Variants in DPH6 observed in about 807,000 individuals in gnomAD.
The protein encoded by DPH6 is diphthamine biosynthesis 6.
In DPH6, 33 loss-of-function variants were observed where a neutral mutation model predicts 38.2. The ratio of observed to expected loss-of-function variants is 0.86; its 90% CI spans 0.65 to 1.15. The LOEUF (loss-of-function observed/expected upper bound fraction) is 1.15. Ranked by LOEUF, DPH6 falls within the 50% of genes most tolerant of loss-of-function variation. DPH6 has a pLI of 0.00. For missense variants in DPH6, 325 were observed against 320.0 expected, an observed-to-expected ratio of 1.02 and a Z score of -0.12; for synonymous variants, 108 against 103.0, an observed-to-expected ratio of 1.05 and a Z score of -0.30.
intron 3 of DPH6, among the ~76,000 whole-genome samples, chr15:35,242,318 G>A (rs537487721): frequency 1.4e-5 from 2 of 142,952 alleles, no homozygotes; most frequent in East Asian, 2.2e-4. Flanking sequence ...GGCATGGTTA[G>A]TGCGGTCAGA....
intron 6 of DPH6, among the ~76,000 whole-genome samples, chr15:35,389,504 G>C (rs2053021513): frequency 6.6e-6 from 1 of 152,178 alleles, no homozygotes; most frequent in South Asian, 2.1e-4. Flanking sequence ...CTAAGGACTT[G>C]CTTTATGAAT....
intron 6 of DPH6, among the ~76,000 whole-genome samples, chr15:35,397,868 T>TATACACACACGCACACACAC (rs752473433): frequency 1.1e-5 from 1 of 87,256 alleles, no homozygotes; most frequent in African/African-American, 4.6e-5. Flanking sequence ...TTTATATATA[T>TATACACACACGCACACACAC]ACACACACAC....
chr15:35,518,751 T>C (rs2054881692), intron 3 of DPH6, among the ~76,000 whole-genome samples: 2 of 152,024 alleles, frequency 1.3e-5, no homozygotes, highest in Admixed American at 1.3e-4. Flanking sequence ...AAATGTGTTC[T>C]AGATTCTATA....
the DPH6 span, among the ~76,000 whole-genome samples, chr15:35,163,913 C>A: frequency 6.6e-6 from 1 of 151,776 alleles, no homozygotes; most frequent in Non-Finnish European, 1.5e-5. Flanking sequence ...AAAGGAAGTT[C>A]TACTCATATA....
rs544395741 is a variant in DPH6, at chr15:35,231,732, A to AT, written n.201-11151dup. The stretch of plus-strand genomic sequence containing the variant: ...GCTGTACAGGAAGCATGGTGCCAGC[A>AT]TCGGCTCGGCTTCTGGTGAGGCCTC... On this transcript the variant is annotated intron_variant and non_coding_transcript_variant, in intron 3 of 3. Coordinates refer to the DPH6 transcript ENST00000560386. Among the ~76,000 whole-genome samples the AT allele has an allele frequency of 1.6e-3, 244 of 152,340 alleles. 1 individual carries two copies. The highest frequency in any genetic ancestry group is 4.1e-3 in the East Asian group (21 of 5,184).
At chr15:35,541,201 C>G (rs561860315) in intron 2 of DPH6, among the ~76,000 whole-genome samples, 2 of 152,248 alleles carry the variant, frequency 1.3e-5, no homozygotes, top group African/African-American at 4.8e-5. Context: ...TAAAATATTT[C>G]TAAACTCTGT....
chr15:35,400,573 GA>G, intron 6 of DPH6: 5 of 357,816 alleles, frequency 1.4e-5, no homozygotes, highest in Non-Finnish European at 2.6e-5. Context: ...GTCAAACACT[GA>G]AGAACCATTT....
intron 3 of DPH6, among the ~76,000 whole-genome samples, chr15:35,275,555 G>A (rs2051852209): frequency 6.6e-6 from 1 of 152,056 alleles, no homozygotes; most frequent in South Asian, 2.1e-4. Context: ...CTGTCAGGGG[G>A]TGGGGAGCAA....
At chr15:35,429,229 C>T (rs2053603950) in intron 5 of DPH6, among the ~76,000 whole-genome samples, 1 of 152,166 alleles carries the variant, frequency 6.6e-6, no homozygotes. Flanking sequence ...ACATATTAAG[C>T]ATACTGTCAT....
At chr15:35,176,886 CAT>C in the DPH6 span, among the ~76,000 whole-genome samples, 5 of 152,152 alleles carry the variant, frequency 3.3e-5, no homozygotes, top group African/African-American at 9.7e-5. Flanking sequence ...TTTCAGGTGA[CAT>C]GTGAAATATC....
intron 3 of DPH6, among the ~76,000 whole-genome samples, chr15:35,245,999 C>T (rs1042379466): frequency 2.0e-5 from 3 of 152,172 alleles, no homozygotes; most frequent in African/African-American, 7.2e-5. Flanking sequence ...TAACTGATGA[C>T]ATTACCTTGT....
chr15:35,533,030 C>T (rs966834095), intron 3 of DPH6, among the ~76,000 whole-genome samples: 6 of 151,624 alleles, frequency 4.0e-5, no homozygotes, highest in Admixed American at 3.9e-4. Flanking sequence ...TTGCTTGAAC[C>T]TAGGAGGCGG....
chr15:35,236,130 T>G (rs1566846096), intron 3 of DPH6, among the ~76,000 whole-genome samples: 1 of 152,234 alleles, frequency 6.6e-6, no homozygotes, highest in Non-Finnish European at 1.5e-5. Flanking sequence ...ATATCTGCCA[T>G]ATTAAGTCAG....
chr15:35,540,755 A>G (rs1595456012), intron 2 of DPH6, among the ~76,000 whole-genome samples: 1 of 152,224 alleles, frequency 6.6e-6, no homozygotes, highest in African/African-American at 2.4e-5. Flanking sequence ...CTGGTGAACC[A>G]TGAACACAAG....
rs749402280 is a variant in DPH6 at position 35,546,070 on chromosome 15, G to A, written c.23+49C>T. The stretch of plus-strand genomic sequence containing the variant: ...TTCGGCGCTAGCGGCGGCTGGAAGG[G>A]ACGAGAGCCTGGCCTAGGAGGAAGG... On this transcript the variant is annotated intron_variant, in intron 1 of 8. Transcript: ENST00000256538. 2.6e-5 allele frequency: 35 copies of A among 1,340,180 alleles called. No individual in the cohort carries two copies. In the East Asian group the frequency reaches 8.4e-4, roughly 32 times the overall value. The allele number at this position is 1,340,180 out of a possible 1,614,324, so 83.0% of individuals were successfully genotyped here. A position where few individuals can be genotyped will look rare whatever the true frequency, so the allele number is the denominator to read the frequency against.
At chr15:35,513,687 T>C (rs2054806796) in intron 3 of DPH6, among the ~76,000 whole-genome samples, 1 of 151,938 alleles carries the variant, frequency 6.6e-6, no homozygotes. Context: ...TATCAAATCA[T>C]AACAAAACAA....
At chr15:35,454,911 A>G (rs1439212579) in intron 3 of DPH6, 91 bp from the exon 4 acceptor site, 1 of 969,376 alleles carries the variant, frequency 1.0e-6, no homozygotes, top group African/African-American at 1.7e-5. Context: ...ACTGTGTCTC[A>G]TCTAGAAAAC....
At chr15:35,240,522 G>A (rs1181166309) in intron 3 of DPH6, among the ~76,000 whole-genome samples, 5 of 142,438 alleles carry the variant, frequency 3.5e-5, no homozygotes, top group African/African-American at 7.6e-5. Flanking sequence ...TCTTTTTATC[G>A]CCTCCCCTCC....
the DPH6 span, among the ~76,000 whole-genome samples, chr15:35,178,145 A>G: frequency 5.3e-5 from 8 of 152,220 alleles, no homozygotes; most frequent in African/African-American, 1.2e-4. Context: ...TGTGAACAAA[A>G]CAGATATTTC....
Sources: allele counts gnomAD v4.1 joint callset (sites outside exome capture counted in the v4.1 genomes callset), GRCh38; gene constraint gnomAD v4.1.1; transcripts MANE v1.5; gene names NCBI Gene and HGNC (gene_info 2026-07-23, HGNC 2026-07-21).